The following PPIL2 variants were observed in gnomAD, a reference collection of about 807,000 sequenced individuals.
PPIL2 encodes RING-type E3 ubiquitin-protein ligase PPIL2.
In PPIL2, 50 loss-of-function variants were observed where a neutral mutation model predicts 75.2. The ratio of observed to expected loss-of-function variants is 0.66; its 90% CI spans 0.53 to 0.84. PPIL2 has a LOEUF of 0.84. Among genes scored for constraint, PPIL2 ranks in the 40% least tolerant of loss-of-function variants. PPIL2 has a pLI of 0.00. For synonymous variants in PPIL2, 245 were observed against 258.8 expected (o/e 0.95, Z 0.51); for missense variants, 590 against 685.0 (o/e 0.86, Z 1.55).
At chr22:21,685,010 C>T in intron 10 of PPIL2, 97 bp downstream of exon 10, 1 of 1,477,508 alleles carries the variant, frequency 6.8e-7, no homozygotes, top group Non-Finnish European at 9.1e-7. Flanking sequence ...TCATGGGGGC[C>T]TGGGATACAC....
At position 21,688,774 on chromosome 22, in the gene PPIL2, G is replaced by C. The variant is rs1353739121; in HGVS notation, c.1064G>C (p.Arg355Pro). 4 of 1,614,088 alleles carry C rather than the reference G, an allele frequency of 2.5e-6. No individual in the cohort carries two copies. Among genetic ancestry groups the C allele is most frequent in the African/African-American group, 1.3e-5 (1 of 74,920 alleles). The part of the protein sequence containing the change: ...YWGKPFKDEF[R>P]PNLSHTGRGI... The stretch of plus-strand genomic sequence containing the variant: ...GGGAAGCCCTTCAAAGACGAGTTCC[G>C]GCCCAACCTCTCGCACACGGGCCGC... Residue 355 changes from arginine to proline, a missense_variant, in exon 15 of 20, where the codon CGG becomes CCG. By Grantham distance (103) the Arg-to-Pro change is moderately radical (BLOSUM62 -2). Coordinates refer to ENST00000398831, the MANE Select transcript of PPIL2 (RefSeq NM_014337.4).
chr22:21,684,922 C>T lies in PPIL2; in HGVS notation c.714+9C>T, dbSNP rs202005174. 1.6e-4 allele frequency: 254 copies of T among 1,613,246 alleles called. No individual in the cohort carries two copies. The African/African-American group carries it at 2.9e-3, about 18-fold the overall frequency. ...TGGACAAGCTGAACGCTGTGAGTGG[C>T]GGAGGGCACTCGGCCAAGCCCAAGC... On this transcript the variant is annotated intron_variant, in intron 10 of 19. Transcript: ENST00000398831.
chr22:21,678,941 G>A (rs1247906484), intron 6 of PPIL2, among the ~76,000 whole-genome samples: 1 of 148,852 alleles, frequency 6.7e-6, no homozygotes, highest in Non-Finnish European at 1.5e-5. Flanking sequence ...TTGTTCCCCA[G>A]GCTGGAGTGC....
At chr22:21,668,442 C>T (rs938851970) in intron 1 of PPIL2, among the ~76,000 whole-genome samples, 5 of 151,134 alleles carry the variant, frequency 3.3e-5, no homozygotes, top group African/African-American at 9.7e-5. Flanking sequence ...CTGGCTAACA[C>T]GGTGAAACCC....
rs376421407 is a variant in PPIL2 at position 21,666,093 on chromosome 22, C to T, written c.-7C>T. 4 of 1,613,142 alleles carry T rather than the reference C, an allele frequency of 2.5e-6. No individual in the cohort carries two copies. The highest frequency in any genetic ancestry group is 1.6e-4 in the Middle Eastern group (1 of 6,076). On this transcript the variant is annotated 5_prime_UTR_variant, in exon 1 of 20. Transcript: ENST00000398831. Reference sequence around the variant, plus strand: ...TCGTGCTCGCTAGTCGCCGCCGCCGCTCCGCCATGGGGAAGCGACAGCACC... The same window carrying T: ...TCGTGCTCGCTAGTCGCCGCCGCCGTTCCGCCATGGGGAAGCGACAGCACC...
chr22:21,694,711 G>A (rs1285020692), intron 17 of PPIL2, 44 bp from the exon 18 acceptor site: 2 of 1,612,544 alleles, frequency 1.2e-6, no homozygotes, highest in Non-Finnish European at 1.7e-6. Flanking sequence ...GGCCAGGCAG[G>A]CAGGGGGAGG....
Sources: allele counts gnomAD v4.1 joint callset (sites outside exome capture counted in the v4.1 genomes callset), GRCh38; gene constraint gnomAD v4.1.1; transcripts MANE v1.5; gene names NCBI Gene and HGNC (gene_info 2026-07-23, HGNC 2026-07-21).